The following DDHD1 variants were observed in gnomAD, a reference collection of about 807,000 sequenced individuals.
DDHD1 encodes the protein DDHD domain containing 1.
Under a neutral mutation model 96.4 loss-of-function variants are expected in DDHD1, and 49 were observed. The ratio of observed to expected loss-of-function variants is 0.51; its 90% CI spans 0.40 to 0.64. The LOEUF (loss-of-function observed/expected upper bound fraction) is 0.64. Ranked by LOEUF, DDHD1 falls within the 30% of genes least tolerant of loss-of-function variation. The pLI is 0.00. For synonymous variants in DDHD1, 442 were observed against 446.5 expected (o/e 0.99, Z 0.13); for missense variants, 1,106 against 1,161.2 (o/e 0.95, Z 0.69).
chr14:53,152,492 C>A lies in DDHD1; in HGVS notation c.607G>T (p.Ala203Ser). 1 of 1,613,152 alleles carries A rather than the reference C, an allele frequency of 6.2e-7. No homozygotes were observed. The highest frequency in any genetic ancestry group is 8.5e-7 in the Non-Finnish European group (1 of 1,179,762). Residue 203 changes from alanine (A) to serine (S), a missense_variant, in exon 1 of 13, where the codon GCC (alanine) becomes TCC (serine). This residue lies in a region of DDHD1 where 456 missense variants were observed against 402.4 expected (regional missense o/e 1.13). Coordinates refer to ENST00000673822, the MANE Select transcript of DDHD1 (RefSeq NM_001160148.2). ...TCCCGGTCCCCGCCCTGGGGCCGGG[C>A]ACCCGTGGTCTGCAGCAGGGTCCGG... is the stretch of plus-strand genomic sequence containing the variant. The part of the protein sequence containing the change: ...AFRTLLQTTG[A>S]RPQGGDRDGD...
intron 12 of DDHD1, among the ~76,000 whole-genome samples, chr14:53,050,414 G>A (rs1882434911): frequency 6.6e-6 from 1 of 152,032 alleles, no homozygotes; most frequent in Non-Finnish European, 1.5e-5. Context: ...TTTTCATAGG[G>A]TCAAACAAAT....
intron 1 of DDHD1, among the ~76,000 whole-genome samples, chr14:53,120,160 C>A (rs963032186): frequency 1.1e-4 from 17 of 152,146 alleles, no homozygotes; most frequent in Admixed American, 1.0e-3. Context: ...CAATAATAGA[C>A]AAGCAGAGAG....
In DDHD1 at chr14:53,073,791, T is replaced by C. The variant is rs764871522; in HGVS notation, c.1346A>G (p.His449Arg). The change falls in exon 5 of 13, where the codon CAT becomes CGT. Residue 449 changes from histidine to arginine, a missense_variant. This residue lies in a region of DDHD1 where 650 missense variants were observed against 758.8 expected (regional missense o/e 0.86). Coordinates refer to ENST00000673822, the MANE Select transcript of DDHD1 (RefSeq NM_001160148.2). ...CCACTCAACAGGCAGAAATTCAACA[T>C]GTGTTGCATGGTTGGAAAAATGCCT... The part of the protein sequence containing the change: ...EERHFSNHAT[H>R]VEFLPVEWRS... The C allele has an allele frequency of 6.2e-7, 1 of 1,611,060 alleles. No homozygotes were observed. Among genetic ancestry groups the C allele is most frequent in the Non-Finnish European group, 8.5e-7 (1 of 1,178,064 alleles).
intron 1 of DDHD1, among the ~76,000 whole-genome samples, chr14:53,133,453 C>A (rs1191046865): frequency 1.3e-5 from 2 of 152,164 alleles, no homozygotes; most frequent in African/African-American, 4.8e-5. Flanking sequence ...GTCATTCAGG[C>A]AGTCTCCCAG....
chr14:53,119,414 A>G (rs1888812914), intron 1 of DDHD1, among the ~76,000 whole-genome samples: 1 of 152,258 alleles, frequency 6.6e-6, no homozygotes, highest in Admixed American at 6.5e-5. Context: ...AAACTATTTC[A>G]ATCAATAGAG....
chr14:53,104,686 A>G (rs373334318), intron 1 of DDHD1, among the ~76,000 whole-genome samples: 1 of 152,166 alleles, frequency 6.6e-6, no homozygotes, highest in African/African-American at 2.4e-5. Context: ...TAGAAACCCA[A>G]GACTTTTAGT....
intron 6 of DDHD1, among the ~76,000 whole-genome samples, chr14:53,069,591 T>G (rs879451638): frequency 6.6e-6 from 1 of 152,228 alleles, no homozygotes; most frequent in East Asian, 1.9e-4. Context: ...CTTGCTTTAT[T>G]GTGACATTCA....
In DDHD1 at chr14:53,150,302, C is replaced by A. The variant is rs75300171; in HGVS notation, c.838+1959G>T. ...TTTTCTGGGACGCTTTCCTGATACC[C>A]TCACCCTTGGATGGGTCAGAAGCTC... On this transcript the variant is annotated intron_variant, in intron 1 of 12. Transcript: ENST00000673822. Among the ~76,000 whole-genome samples the A allele has an allele frequency of 3.8e-3, 577 of 152,308 alleles. 3 individuals carry two copies. Among genetic ancestry groups the A allele is most frequent in the African/African-American group, 0.013 (550 of 41,572 alleles).
Position 53,038,787 on chromosome 14 carries a change from A to C in DDHD1, c.*7981T>G, listed in dbSNP as rs562728717. 3.9e-5 allele frequency: 6 copies of C among 152,316 alleles called. No individual in the cohort carries two copies. In the East Asian group the frequency reaches 9.6e-4, roughly 24 times the overall value. 9.4% of individuals were successfully genotyped at this position (152,316 alleles called of 1,614,324 possible). A position where few individuals can be genotyped will look rare whatever the true frequency, so the allele number is the denominator to read the frequency against. On this transcript the variant is annotated 3_prime_UTR_variant, in exon 13 of 13. Coordinates refer to ENST00000673822, the MANE Select transcript of DDHD1 (RefSeq NM_001160148.2). Reference sequence around the variant, plus strand: ...GCAGCATCACACAGATGTGGCTTCAAACTATAAGACCACAGTAACCAAAAC... The same window carrying C: ...GCAGCATCACACAGATGTGGCTTCACACTATAAGACCACAGTAACCAAAAC...
intron 2 of DDHD1, 51 bp downstream of exon 2, chr14:53,103,632 C>T (rs1200814786): frequency 7.1e-7 from 1 of 1,410,566 alleles, no homozygotes; most frequent in South Asian, 1.6e-5. Context: ...TAAACTTTAT[C>T]AACAACTTAC....
At position 53,037,564 on chromosome 14, in the gene DDHD1, A is replaced by G. The variant is rs1371666631; in HGVS notation, c.*9204T>C. 1 of 152,004 alleles carries G rather than the reference A, an allele frequency of 6.6e-6. No individual in the cohort carries two copies. Among genetic ancestry groups the G allele is most frequent in the Non-Finnish European group, 1.5e-5 (1 of 67,992 alleles). 9.4% of individuals were successfully genotyped at this position (152,004 alleles called of 1,614,324 possible). ...GTCTTCTTTTGAGAAGTGTCTGTTC[A>G]TGTCCTTCACCCATTTTTTAATGGG... On this transcript the variant is annotated 3_prime_UTR_variant, in exon 13 of 13. Coordinates refer to ENST00000673822, the MANE Select transcript of DDHD1 (RefSeq NM_001160148.2).
Position 53,152,766 on chromosome 14 carries a change from G to C in DDHD1, c.333C>G (p.Gly111=), listed in dbSNP as rs745536142. ...RYYSEGESGG[G]GSSLSLHPPQ... is the part of the protein sequence containing the mutation. ...GCGGGTGCAGCGACAAGGAGCTGCC[G>C]CCGCCGCCGCTCTCACCCTCGCTGT... Residue 111 remains glycine, a synonymous_variant, in exon 1 of 13, where the codon GGC becomes GGG. Transcript: ENST00000673822. 6.2e-7 allele frequency: 1 copy of C among 1,600,918 alleles called. No individual in the cohort carries two copies. The highest frequency in any genetic ancestry group is 8.5e-7 in the Non-Finnish European group (1 of 1,174,880).
intron 1 of DDHD1, among the ~76,000 whole-genome samples, chr14:53,122,381 T>C (rs1889061009): frequency 6.6e-6 from 1 of 152,120 alleles, no homozygotes; most frequent in African/African-American, 2.4e-5. Flanking sequence ...CGAGGGCAGA[T>C]TTCTAACAGT....
intron 4 of DDHD1, among the ~76,000 whole-genome samples, chr14:53,074,069 C>G (rs1884751250): frequency 6.6e-6 from 1 of 151,882 alleles, no homozygotes; most frequent in Non-Finnish European, 1.5e-5. Flanking sequence ...TTCAAATATT[C>G]TAAGCTTTTA....
chr14:53,127,177 T>C (rs1369389214), intron 1 of DDHD1, among the ~76,000 whole-genome samples: 4 of 152,296 alleles, frequency 2.6e-5, no homozygotes, highest in East Asian at 1.9e-4. Context: ...GAGGAATACA[T>C]AGCAATAAAG....
At chr14:53,132,828 G>A (rs547301814) in intron 1 of DDHD1, among the ~76,000 whole-genome samples, 16 of 152,294 alleles carry the variant, frequency 1.1e-4, no homozygotes, top group South Asian at 4.1e-4. Context: ...TCAGGGCAAC[G>A]CTTCTGCTGA....
chr14:53,093,225 CT>C, intron 3 of DDHD1, 90 bp downstream of exon 3: 1 of 1,352,430 alleles, frequency 7.4e-7, no homozygotes, highest in East Asian at 2.6e-5. Context: ...TTAAAACATA[CT>C]AAAAACAGAA....
chr14:53,088,254 G>C (rs1886147843), intron 4 of DDHD1, among the ~76,000 whole-genome samples: 1 of 152,166 alleles, frequency 6.6e-6, no homozygotes, highest in African/African-American at 2.4e-5. Flanking sequence ...AGAGGAGCTG[G>C]TGCCATTCCT....
At chr14:53,081,161 T>C (rs1014704246) in intron 4 of DDHD1, among the ~76,000 whole-genome samples, 1 of 152,178 alleles carries the variant, frequency 6.6e-6, no homozygotes, top group African/African-American at 2.4e-5. Context: ...GAAAATAAAA[T>C]GACAGCCAAA....
Sources: gnomAD v4.1 joint callset for allele counts (sites outside exome capture counted in the v4.1 genomes callset) on GRCh38, gnomAD v4.1.1 for gene constraint, gnomAD v4.1.1 regional missense constraint, MANE v1.5 for transcripts, NCBI Gene and HGNC (gene_info 2026-07-23, HGNC 2026-07-21) for gene names.